Variants in GNA14 observed in about 807,000 individuals in gnomAD.
GNA14 encodes the protein guanine nucleotide-binding protein subunit alpha-14.
GNA14 carries 50 observed loss-of-function variants against 42.0 expected under a neutral mutation model. The observed-to-expected ratio is 1.19, with a 90% CI of 0.95 to 1.51. GNA14 has a LOEUF of 1.51. Among genes scored for constraint, GNA14 ranks in the 40% most tolerant of loss-of-function variants. GNA14 has a pLI of 0.00. For missense variants in GNA14, 473 were observed against 446.2 expected, an observed-to-expected ratio of 1.06 and a Z score of -0.54; for synonymous variants, 173 against 163.1, an observed-to-expected ratio of 1.06 and a Z score of -0.46.
chr9:77,639,750 C>T (rs575833813), intron 1 of GNA14, among the ~76,000 whole-genome samples: 14 of 152,314 alleles, frequency 9.2e-5, no homozygotes, highest in African/African-American at 3.1e-4. Context: ...AGCCTCCTCT[C>T]CAATTTCCAT....
chr9:77,537,938 GTTAT>G (rs1433059169), intron 1 of GNA14, among the ~76,000 whole-genome samples: 3 of 151,974 alleles, frequency 2.0e-5, no homozygotes, highest in African/African-American at 7.3e-5. Context: ...AAGTTGTTGA[GTTAT>G]TTGAGTTCCT....
chr9:77,541,027 C>A (rs1024789998), intron 1 of GNA14, among the ~76,000 whole-genome samples: 1 of 151,918 alleles, frequency 6.6e-6, no homozygotes, highest in East Asian at 1.9e-4. Flanking sequence ...TTGTTCATTT[C>A]TTTTTCTCTT....
rs537802090 is a variant in GNA14 at position 77,466,297 on chromosome 9, T to C, written c.310-31775A>G. Among the ~76,000 whole-genome samples, 129 of 149,408 alleles carry C rather than the reference T, an allele frequency of 8.6e-4. 1 individual carries two copies. Among genetic ancestry groups the C allele is most frequent in the Non-Finnish European group, 1.6e-3 (107 of 68,018 alleles). The stretch of plus-strand genomic sequence containing the variant: ...GTTGATCTGAGACCATGCTTCCTTT[T>C]CTTTCTTCTTTCTGTTCTTTAGAAT... On this transcript the variant is annotated intron_variant, in intron 2 of 6. Transcript: ENST00000341700.
intron 1 of GNA14, among the ~76,000 whole-genome samples, chr9:77,561,265 C>A (rs1473458806): frequency 6.6e-6 from 1 of 152,200 alleles, no homozygotes; most frequent in Non-Finnish European, 1.5e-5. Flanking sequence ...TGGTTTTAAT[C>A]TATCCCATTC....
At chr9:77,523,437 T>C (rs979930328) in intron 2 of GNA14, among the ~76,000 whole-genome samples, 1 of 152,040 alleles carries the variant, frequency 6.6e-6, no homozygotes, top group African/African-American at 2.4e-5. Context: ...ACTCACTCAC[T>C]GTCATGAGGA....
intron 1 of GNA14, among the ~76,000 whole-genome samples, chr9:77,622,565 G>A (rs545914449): frequency 1.3e-4 from 20 of 151,156 alleles, no homozygotes; most frequent in Admixed American, 4.6e-4. Context: ...TCAGGAGATC[G>A]AGATCATCCT....
chr9:77,619,373 G>T (rs1044184422), intron 1 of GNA14, among the ~76,000 whole-genome samples: 4 of 152,140 alleles, frequency 2.6e-5, no homozygotes, highest in Admixed American at 6.5e-5. Flanking sequence ...AGCTAATTTT[G>T]TATTTTTAGT....
At chr9:77,523,587 C>T (rs1321754577) in intron 2 of GNA14, among the ~76,000 whole-genome samples, 1 of 152,164 alleles carries the variant, frequency 6.6e-6, no homozygotes, top group Non-Finnish European at 1.5e-5. Context: ...CAAACCATAT[C>T]AACTATTAAA....
At chr9:77,621,321 T>G (rs1823918151) in intron 1 of GNA14, among the ~76,000 whole-genome samples, 1 of 152,230 alleles carries the variant, frequency 6.6e-6, no homozygotes, top group Non-Finnish European at 1.5e-5. Context: ...TTTTGGTCAT[T>G]TTCTGGTTTG....
At chr9:77,613,102 A>G (rs961904699) in intron 1 of GNA14, among the ~76,000 whole-genome samples, 18 of 152,226 alleles carry the variant, frequency 1.2e-4, no homozygotes, top group African/African-American at 3.9e-4. Context: ...GCTAAGTGAA[A>G]TAAGCCAGAC....
At chr9:77,590,324 G>C (rs1462492357) in intron 1 of GNA14, among the ~76,000 whole-genome samples, 1 of 152,208 alleles carries the variant, frequency 6.6e-6, no homozygotes, top group Non-Finnish European at 1.5e-5. Flanking sequence ...CTAGGGCTTT[G>C]CACTGAAGGG....
rs937306055 is a variant in GNA14, at chr9:77,426,131, C to T, written c.724-416G>A. On this transcript the variant is annotated intron_variant, in intron 5 of 6. Transcript: ENST00000341700. ...GCCACCTCAGTTGGTTATGGGCTTC[C>T]AGACTGGGCCTCAGCAGTCAAGTGA... Among the ~76,000 whole-genome samples, 7 of 152,112 alleles carry T rather than the reference C, an allele frequency of 4.6e-5. No homozygotes were observed. The South Asian group carries it at 1.5e-3, about 32-fold the overall frequency.
At chr9:77,603,662 AC>A (rs1053127555) in intron 1 of GNA14, among the ~76,000 whole-genome samples, 4 of 151,966 alleles carry the variant, frequency 2.6e-5, no homozygotes, top group African/African-American at 9.7e-5. Context: ...GCAATGTGTC[AC>A]GGGAGTCAAA....
chr9:77,578,965 G>A (rs780692726), intron 1 of GNA14, among the ~76,000 whole-genome samples: 1 of 152,110 alleles, frequency 6.6e-6, no homozygotes, highest in Non-Finnish European at 1.5e-5. Context: ...CCCTTATCTC[G>A]GACTATAAGG....
intron 6 of GNA14, 125 bp downstream of exon 6, chr9:77,425,437 A>G (rs1161909603): frequency 2.0e-5 from 13 of 635,726 alleles, no homozygotes; most frequent in Non-Finnish European, 3.6e-5. Context: ...TGAAGGTGGG[A>G]ATAGGGGGAG....
chr9:77,459,474 G>A (rs1223259508), intron 2 of GNA14, among the ~76,000 whole-genome samples: 2 of 151,680 alleles, frequency 1.3e-5, no homozygotes, highest in Admixed American at 1.3e-4. Flanking sequence ...CTCTTTCCTG[G>A]GCAGTGTGCA....
chr9:77,436,432 G>A (rs1168012088), intron 2 of GNA14, among the ~76,000 whole-genome samples: 1 of 152,186 alleles, frequency 6.6e-6, no homozygotes, highest in Non-Finnish European at 1.5e-5. Flanking sequence ...TGTAGCAGAT[G>A]TCTAATAAGT....
Position 77,648,320 on chromosome 9 carries a change from T to C in GNA14, c.-527A>G. 6.4e-6 allele frequency: 1 copy of C among 157,062 alleles called. No individual in the cohort carries two copies. The highest frequency in any genetic ancestry group is 1.4e-5 in the Non-Finnish European group (1 of 71,712). 9.7% of individuals were successfully genotyped at this position (157,062 alleles called of 1,614,324 possible). On this transcript the variant is annotated 5_prime_UTR_variant, in exon 1 of 7. Transcript: ENST00000341700. ...GCAGTGACCGCAGACTAAGACTGAG[T>C]GGAAAGGTTCCCGCTAGCGTTTGTG...
At chr9:77,644,455 AAAAAAAAAAG>A (rs903819869) in intron 1 of GNA14, among the ~76,000 whole-genome samples, 1 of 149,662 alleles carries the variant, frequency 6.7e-6, no homozygotes, top group African/African-American at 2.5e-5. Flanking sequence ...AAAAAAAAAA[AAAAAAAAAAG>A]ACACAGGAAT....
Sources: allele counts gnomAD v4.1 joint callset (sites outside exome capture counted in the v4.1 genomes callset), GRCh38; gene constraint gnomAD v4.1.1; transcripts MANE v1.5; gene names NCBI Gene and HGNC (gene_info 2026-07-23, HGNC 2026-07-21).